TRABD: variants seen among roughly 807,000 people sequenced by gnomAD.
TRABD encodes TraB domain containing, also known as traB domain-containing protein.
TRABD carries 23 observed loss-of-function variants against 39.6 expected under a neutral mutation model. The ratio of observed to expected loss-of-function variants is 0.58; its 90% confidence interval spans 0.42 to 0.82. The LOEUF is 0.82. TRABD is among the 40% of genes least tolerant of loss of function. TRABD has a pLI of 0.00. For synonymous variants in TRABD, 243 were observed against 232.1 expected, an observed-to-expected ratio of 1.05 and a Z score of -0.43; for missense variants, 487 against 544.9, an observed-to-expected ratio of 0.89 and a Z score of 1.06.
At chr22:50,188,718 T>C (rs953833896) in intron 1 of TRABD, among the ~76,000 whole-genome samples, 5 of 152,146 alleles carry the variant, frequency 3.3e-5, no homozygotes, top group African/African-American at 1.2e-4. Context: ...GGGGACACAG[T>C]TCAGTCTGTA....
chr22:50,187,746 G>A (rs949298125), intron 1 of TRABD, among the ~76,000 whole-genome samples: 21 of 152,146 alleles, frequency 1.4e-4, no homozygotes, highest in African/African-American at 4.1e-4. Context: ...TTGGGAGGCC[G>A]AGGCGGGCAG....
Position 50,193,039 on chromosome 22 carries a change from T to A in TRABD, c.-22T>A, listed in dbSNP as rs1373593886. ...TGCCTCTCCTCAGGCTCCCCACAGGTGCAGGAAGCCGCCGCCCAGCCATGG... is the reference window on the plus strand; with the variant it reads ...TGCCTCTCCTCAGGCTCCCCACAGGAGCAGGAAGCCGCCGCCCAGCCATGG... On this transcript the variant is annotated 5_prime_UTR_variant, in exon 2 of 10. Transcript: ENST00000380909. The A allele has an allele frequency of 1.3e-6, 2 of 1,544,456 alleles. No individual in the cohort carries two copies. Among genetic ancestry groups the A allele is most frequent in the East Asian group, 4.9e-5 (2 of 40,996 alleles).
chr22:50,198,575 C>G lies in TRABD; in HGVS notation c.*56C>G. On this transcript the variant is annotated 3_prime_UTR_variant, in exon 10 of 10. Transcript: ENST00000380909. This position sits in a 1 kb window ranked among gnomAD's most constrained non-coding sequence, Gnocchi z 7.9. Reference sequence around the variant, plus strand: ...AGGAGCCAGTGCCCCCGCGGCACTTCTGGGTGCCAGGTGCATCCTAGCCCG... The same window carrying G: ...AGGAGCCAGTGCCCCCGCGGCACTTGTGGGTGCCAGGTGCATCCTAGCCCG... The G allele has an allele frequency of 6.9e-7, 1 of 1,441,098 alleles. No individual in the cohort carries two copies. The highest frequency in any genetic ancestry group is 9.1e-7 in the Non-Finnish European group (1 of 1,097,600). 89.3% of individuals were successfully genotyped at this position (1,441,098 alleles called of 1,614,324 possible).
Position 50,198,585 on chromosome 22 carries a change from G to C in TRABD, c.*66G>C, listed in dbSNP as rs988267600. The C allele has an allele frequency of 7.0e-7, 1 of 1,427,348 alleles. No homozygotes were observed. The highest frequency in any genetic ancestry group is 9.2e-7 in the Non-Finnish European group (1 of 1,089,368). The allele number at this position is 1,427,348 out of a possible 1,614,324, so 88.4% of individuals were successfully genotyped here. ...GCCCCCGCGGCACTTCTGGGTGCCA[G>C]GTGCATCCTAGCCCGCCCGAGGCCC... is the stretch of plus-strand genomic sequence containing the variant. On this transcript the variant is annotated 3_prime_UTR_variant, in exon 10 of 10. Transcript: ENST00000380909. This position sits in a 1 kb window ranked among gnomAD's most constrained non-coding sequence, Gnocchi z 7.9.
At position 50,199,040 on chromosome 22, in the gene TRABD, G is replaced by A. The variant is rs530085394; in HGVS notation, c.*521G>A. Reference sequence around the variant, plus strand: ...CCCTGGCCGCCACCTCCCTGGCACCGTCTGCCTGCAGGGATTCTGTGTTTT... The same window carrying A: ...CCCTGGCCGCCACCTCCCTGGCACCATCTGCCTGCAGGGATTCTGTGTTTT... On this transcript the variant is annotated 3_prime_UTR_variant, in exon 10 of 10. Coordinates refer to ENST00000380909, the MANE Select transcript of TRABD (RefSeq NM_001320485.2). 9.6e-4 allele frequency: 670 copies of A among 700,314 alleles called. 12 individuals carry two copies. The South Asian group carries it at 9.9e-3, about 10-fold the overall frequency. 43.4% of individuals were successfully genotyped at this position (700,314 alleles called of 1,614,324 possible).
intron 5 of TRABD, 116 bp from the exon 6 acceptor site, chr22:50,197,125 G>T: frequency 1.9e-6 from 2 of 1,065,340 alleles, no homozygotes; most frequent in South Asian, 2.9e-5. Context: ...CAAGGACACA[G>T]CACTGGGCTG....
Position 50,199,008 on chromosome 22 carries a change from A to G in TRABD, c.*489A>G, listed in dbSNP as rs2064232520. ...CAGCCGACCCCACCGTGCCCCTGGC[A>G]TCCTGGCCCTGGCCGCCACCTCCCT... On this transcript the variant is annotated 3_prime_UTR_variant, in exon 10 of 10. Transcript: ENST00000380909. 3.0e-6 allele frequency: 2 copies of G among 665,806 alleles called. No individual in the cohort carries two copies. The highest frequency in any genetic ancestry group is 5.6e-6 in the Non-Finnish European group (2 of 355,668). The allele number at this position is 665,806 out of a possible 1,614,324, so 41.2% of individuals were successfully genotyped here.
rs1198129318 is a variant in TRABD at position 50,198,156 on chromosome 22, G to A, written c.926G>A (p.Ser309Asn). 1 of 1,612,376 alleles carries A rather than the reference G, an allele frequency of 6.2e-7. No homozygotes were observed. Among genetic ancestry groups the A allele is most frequent in the Non-Finnish European group, 8.5e-7 (1 of 1,179,590 alleles). Residue 309 changes from serine (S) to asparagine (N), a missense_variant, in exon 9 of 10, where the codon AGC becomes AAC. Around this residue, in one of 3 missense-constraint regions of TRABD, gnomAD observed 123 missense variants for 108.3 expected, o/e 1.14. Coordinates refer to ENST00000380909, the MANE Select transcript of TRABD (RefSeq NM_001320485.2). The surrounding 1 kb of genome is among the most constrained non-coding windows in gnomAD (Gnocchi z 7.9). ...GTGCCTGGCATCGAGAAGAACTGGA[G>A]CACCGACCTCAACATCCAGGAGATC... The part of the protein sequence containing the change: ...GHVPGIEKNW[S>N]TDLNIQEIMT...
chr22:50,199,028 C>A lies in TRABD; in HGVS notation c.*509C>A. 2 of 687,214 alleles carry A rather than the reference C, an allele frequency of 2.9e-6. No individual in the cohort carries two copies. The highest frequency in any genetic ancestry group is 3.1e-5 in the South Asian group (2 of 64,550). 42.6% of individuals were successfully genotyped at this position (687,214 alleles called of 1,614,324 possible). On this transcript the variant is annotated 3_prime_UTR_variant, in exon 10 of 10. Transcript: ENST00000380909. ...CTGGCATCCTGGCCCTGGCCGCCACCTCCCTGGCACCGTCTGCCTGCAGGG... is the reference window on the plus strand; with the variant it reads ...CTGGCATCCTGGCCCTGGCCGCCACATCCCTGGCACCGTCTGCCTGCAGGG...
Position 50,199,042 on chromosome 22 carries a change from C to G in TRABD, c.*523C>G. On this transcript the variant is annotated 3_prime_UTR_variant, in exon 10 of 10. Coordinates refer to ENST00000380909, the MANE Select transcript of TRABD (RefSeq NM_001320485.2). ...CTGGCCGCCACCTCCCTGGCACCGT[C>G]TGCCTGCAGGGATTCTGTGTTTTTG... 3 of 702,896 alleles carry G rather than the reference C, an allele frequency of 4.3e-6. No individual in the cohort carries two copies. Among genetic ancestry groups the G allele is most frequent in the Admixed American group, 4.1e-5 (2 of 48,894 alleles). 43.5% of individuals were successfully genotyped at this position (702,896 alleles called of 1,614,324 possible).
In TRABD at chr22:50,198,351, C is replaced by G; in HGVS notation, c.963C>G (p.Pro321=). 1 of 1,571,098 alleles carries G rather than the reference C, an allele frequency of 6.4e-7. No individual in the cohort carries two copies. The highest frequency in any genetic ancestry group is 8.6e-7 in the Non-Finnish European group (1 of 1,162,252). ...CGCCCCCTCCCTCCCACAGCGTGCC[C>G]CCGCCGTCCGTCTCCGGCAGAGTGT... ...DLNIQEIMTV[P]PPSVSGRVSR... The change falls in exon 10 of 10, where the codon CCC becomes CCG. Residue 321 remains proline (P), a synonymous_variant. Transcript: ENST00000380909. This position sits in a 1 kb window ranked among gnomAD's most constrained non-coding sequence, Gnocchi z 7.9.
At chr22:50,195,160 C>T in intron 5 of TRABD, 120 bp downstream of exon 5, 1 of 1,325,356 alleles carries the variant, frequency 7.5e-7, no homozygotes, top group Non-Finnish European at 1.0e-6. Flanking sequence ...CTGGCCTGCC[C>T]TGGGGATTGC....
intron 5 of TRABD, among the ~76,000 whole-genome samples, chr22:50,196,377 C>T (rs2064106699): frequency 2.0e-5 from 3 of 152,258 alleles, no homozygotes; most frequent in Admixed American, 2.0e-4. Context: ...CAGGCCCAGA[C>T]CGTCCCTGGG....
chr22:50,199,272 C>T lies in TRABD; in HGVS notation c.*753C>T, dbSNP rs536280489. On this transcript the variant is annotated 3_prime_UTR_variant, in exon 10 of 10. Transcript: ENST00000380909. ...GCTGGGAGCCTGTGTCCTGAGCCCC[C>T]GGAGCGAAGGGGTGCCTGGGGCATC... The T allele has an allele frequency of 8.2e-6, 5 of 608,554 alleles. No homozygotes were observed. Among genetic ancestry groups the T allele is most frequent in the South Asian group, 3.7e-5 (2 of 54,056 alleles). The allele number at this position is 608,554 out of a possible 1,614,324, so 37.7% of individuals were successfully genotyped here. A position where few individuals can be genotyped will look rare whatever the true frequency, so the allele number is the denominator to read the frequency against.
intron 5 of TRABD, among the ~76,000 whole-genome samples, chr22:50,195,468 G>T (rs1433278125): frequency 6.9e-5 from 10 of 144,534 alleles, no homozygotes; most frequent in East Asian, 2.0e-4. Flanking sequence ...TTCGGTTTTT[G>T]TTTTTTTTTT....
chr22:50,198,604 G>A lies in TRABD; in HGVS notation c.*85G>A, dbSNP rs1316057439. On this transcript the variant is annotated 3_prime_UTR_variant, in exon 10 of 10. Transcript: ENST00000380909. The surrounding 1 kb of genome is among the most constrained non-coding windows in gnomAD (Gnocchi z 7.9). ...GTGCCAGGTGCATCCTAGCCCGCCC[G>A]AGGCCCCTGCCACCCCCCATGGGGG... 8.8e-6 allele frequency: 12 copies of A among 1,365,682 alleles called. No homozygotes were observed. The highest frequency in any genetic ancestry group is 4.5e-5 in the African/African-American group (3 of 67,196). 84.6% of individuals were successfully genotyped at this position (1,365,682 alleles called of 1,614,324 possible).
chr22:50,197,688 G>C, intron 7 of TRABD, 100 bp downstream of exon 7: 1 of 1,572,222 alleles, frequency 6.4e-7, no homozygotes, highest in Non-Finnish European at 8.7e-7. Context: ...CTCACTCAAG[G>C]CCTTCCCTGC....
intron 1 of TRABD, chr22:50,192,382 G>T (rs562853755): frequency 6.6e-6 from 1 of 152,404 alleles, no homozygotes; most frequent in Admixed American, 6.5e-5. Context: ...GTTTCTGAGA[G>T]TCTGTGGGGA....
intron 6 of TRABD, 26 bp downstream of exon 6, chr22:50,197,377 G>A (rs772843373): frequency 2.5e-6 from 4 of 1,613,070 alleles, no homozygotes; most frequent in East Asian, 4.5e-5. Flanking sequence ...GGTAGGGGGT[G>A]GCCACAGGGA....
Sources: gnomAD v4.1 joint callset for allele counts (sites outside exome capture counted in the v4.1 genomes callset) on GRCh38, gnomAD v4.1.1 for gene constraint, gnomAD v4.1.1 regional missense constraint, Gnocchi (gnomAD v3.1) non-coding constraint, MANE v1.5 for transcripts, NCBI Gene and HGNC (gene_info 2026-07-23, HGNC 2026-07-21) for gene names.